The following SLAIN2 variants were observed in gnomAD, a reference collection of about 807,000 sequenced individuals.
SLAIN2 encodes SLAIN motif-containing protein 2.
SLAIN2 carries 31 observed loss-of-function variants against 56.6 expected under a neutral mutation model. The observed-to-expected ratio is 0.55, with a 90% CI of 0.41 to 0.74. The LOEUF is 0.74. Ranked by LOEUF, SLAIN2 falls within the 30% of genes least tolerant of loss-of-function variation. The pLI, the probability that SLAIN2 is intolerant of heterozygous loss-of-function variation, is 0.00. For synonymous variants in SLAIN2, 317 were observed against 284.9 expected (o/e 1.11, Z -1.13); for missense variants, 777 against 754.2 (o/e 1.03, Z -0.35).
chr4:48,357,743 C>T (rs981020439), intron 1 of SLAIN2, among the ~76,000 whole-genome samples: 14 of 152,004 alleles, frequency 9.2e-5, no homozygotes, highest in Admixed American at 3.9e-4. Context: ...TTGGTAGAGA[C>T]AAGGTTTCTC....
At chr4:48,404,369 G>T (rs1716639397) in intron 6 of SLAIN2, among the ~76,000 whole-genome samples, 1 of 152,158 alleles carries the variant, frequency 6.6e-6, no homozygotes, top group African/African-American at 2.4e-5. Flanking sequence ...TCTATCAGCT[G>T]ACAAGTATTT....
chr4:48,379,701 A>G lies in SLAIN2; in HGVS notation c.715A>G (p.Ser239Gly). 7.0e-7 allele frequency: 1 copy of G among 1,437,252 alleles called. No individual in the cohort carries two copies. 89.0% of individuals were successfully genotyped at this position (1,437,252 alleles called of 1,614,324 possible). A position where few individuals can be genotyped will look rare whatever the true frequency, so the allele number is the denominator to read the frequency against. ...TTTTTTTTTTTAAGGTAACTTGAAA[A>G]GCTCAGACAGAAATCCTCCACTCAG... The part of the protein sequence containing the change: ...ILPGNSGNLK[S>G]SDRNPPLSPQ... Residue 239 changes from serine (S) to glycine (G), a missense_variant, in exon 4 of 8, where the codon AGC becomes GGC. Ser to Gly is a moderately conservative substitution (Grantham distance 56, BLOSUM62 0). Transcript: ENST00000264313.
At chr4:48,364,658 G>A (rs1426405940) in intron 1 of SLAIN2, among the ~76,000 whole-genome samples, 17 of 118,714 alleles carry the variant, frequency 1.4e-4, no homozygotes, top group Admixed American at 4.1e-4. Context: ...CGGATCACTC[G>A]CGGTTAGGGG....
At chr4:48,389,749 AGTGTAGG>A (rs1324182453) in intron 6 of SLAIN2, among the ~76,000 whole-genome samples, 10 of 152,238 alleles carry the variant, frequency 6.6e-5, no homozygotes, top group African/African-American at 2.4e-4. Flanking sequence ...GTATAACTAA[AGTGTAGG>A]GTGTATGATG....
rs1466767060 is a variant in SLAIN2, at chr4:48,423,833, T to C, written c.*1756T>C. The stretch of plus-strand genomic sequence containing the variant: ...AGGATGGCGCCAGAATTCTACATGA[T>C]AATGAACTAAAAAATGTTGCTTTTC... On this transcript the variant is annotated 3_prime_UTR_variant, in exon 8 of 8. Transcript: ENST00000264313. 6.6e-6 allele frequency: 1 copy of C among 152,152 alleles called. No homozygotes were observed. Among genetic ancestry groups the C allele is most frequent in the Non-Finnish European group, 1.5e-5 (1 of 68,016 alleles). The allele number at this position is 152,152 out of a possible 1,614,324, so 9.4% of individuals were successfully genotyped here.
intron 6 of SLAIN2, among the ~76,000 whole-genome samples, chr4:48,413,007 CTT>C (rs1372386162): frequency 6.6e-6 from 1 of 152,036 alleles, no homozygotes; most frequent in Non-Finnish European, 1.5e-5. Context: ...GGGCAGATCA[CTT>C]AAGAGGCCAG....
intron 1 of SLAIN2, among the ~76,000 whole-genome samples, chr4:48,346,837 T>C (rs1314493526): frequency 3.0e-5 from 2 of 65,582 alleles, no homozygotes; most frequent in South Asian, 8.1e-4. Flanking sequence ...CTATTTCCCT[T>C]TTTTTTTTTT....
At chr4:48,420,487 A>C (rs1040877851) in intron 7 of SLAIN2, 44 bp downstream of exon 7, 3 of 1,599,434 alleles carry the variant, frequency 1.9e-6, no homozygotes, top group Admixed American at 1.7e-5. Context: ...AGTGCCTGAA[A>C]GTGGATAGAC....
chr4:48,390,514 C>T (rs559489881), intron 6 of SLAIN2, among the ~76,000 whole-genome samples: 1 of 151,980 alleles, frequency 6.6e-6, no homozygotes, highest in Non-Finnish European at 1.5e-5. Context: ...ATGAAAAAAT[C>T]ATTTTCAATT....
chr4:48,396,803 C>T (rs954930816), intron 6 of SLAIN2, among the ~76,000 whole-genome samples: 1 of 152,090 alleles, frequency 6.6e-6, no homozygotes, highest in African/African-American at 2.4e-5. Context: ...GATTACTTAA[C>T]AATTGGAAAT....
At chr4:48,354,700 A>G (rs1286158315) in intron 1 of SLAIN2, among the ~76,000 whole-genome samples, 1 of 151,996 alleles carries the variant, frequency 6.6e-6, no homozygotes, top group African/African-American at 2.4e-5. Context: ...CGGACCTCAG[A>G]TGATCCGCCT....
chr4:48,360,278 C>A (rs1323225944), intron 1 of SLAIN2, among the ~76,000 whole-genome samples: 1 of 151,974 alleles, frequency 6.6e-6, no homozygotes, highest in South Asian at 2.1e-4. Flanking sequence ...TATTTATATA[C>A]CATAAAATGC....
chr4:48,367,343 C>T (rs1174712633), intron 1 of SLAIN2, among the ~76,000 whole-genome samples: 1 of 152,148 alleles, frequency 6.6e-6, no homozygotes, highest in Non-Finnish European at 1.5e-5. Context: ...GTTGGTGTAC[C>T]CAGGGCTTAC....
At chr4:48,371,814 T>C (rs1715671044) in intron 2 of SLAIN2, among the ~76,000 whole-genome samples, 1 of 151,842 alleles carries the variant, frequency 6.6e-6, no homozygotes, top group African/African-American at 2.4e-5. Flanking sequence ...AGGCATGGTG[T>C]GCGCCTGTGG....
At chr4:48,378,510 T>C (rs1341508950) in intron 3 of SLAIN2, among the ~76,000 whole-genome samples, 1 of 152,200 alleles carries the variant, frequency 6.6e-6, no homozygotes, top group African/African-American at 2.4e-5. Context: ...GAAAGCCAGA[T>C]TGCTATAAAC....
intron 1 of SLAIN2, among the ~76,000 whole-genome samples, chr4:48,362,545 A>G (rs1715356184): frequency 6.7e-6 from 1 of 149,478 alleles, no homozygotes; most frequent in Non-Finnish European, 1.5e-5. Flanking sequence ...CAGCCTCCCA[A>G]GTAGCTGGGG....
rs1476914912 is a variant in SLAIN2, at chr4:48,341,538, G to A, written c.-202G>A. 2 of 685,160 alleles carry A rather than the reference G, an allele frequency of 2.9e-6. No homozygotes were observed. Among genetic ancestry groups the A allele is most frequent in the Non-Finnish European group, 4.3e-6 (2 of 465,592 alleles). 42.4% of individuals were successfully genotyped at this position (685,160 alleles called of 1,614,324 possible). On this transcript the variant is annotated 5_prime_UTR_variant, in exon 1 of 8. Transcript: ENST00000264313. The stretch of plus-strand genomic sequence containing the variant: ...TGGCGCCGCCTCCCCCAATCCCGGA[G>A]CCGGCGCAGATGAGGCAGTTCGGCT...
intron 1 of SLAIN2, among the ~76,000 whole-genome samples, chr4:48,355,541 C>T (rs1715135327): frequency 6.6e-6 from 1 of 152,066 alleles, no homozygotes; most frequent in Admixed American, 6.6e-5. Flanking sequence ...GTTCAGGAAT[C>T]CTCACATACC....
intron 6 of SLAIN2, among the ~76,000 whole-genome samples, chr4:48,385,123 A>T (rs1716067546): frequency 1.3e-5 from 2 of 152,342 alleles, no homozygotes; most frequent in South Asian, 4.1e-4. Flanking sequence ...CTAGGACAAA[A>T]TAGCCAAACT....
Sources: allele counts gnomAD v4.1 joint callset (sites outside exome capture counted in the v4.1 genomes callset), GRCh38; gene constraint gnomAD v4.1.1; transcripts MANE v1.5; gene names NCBI Gene and HGNC (gene_info 2026-07-23, HGNC 2026-07-21).